CUX1: variants seen among roughly 807,000 people sequenced by gnomAD.
CUX1 encodes protein CASP.
A neutral mutation model predicts 158.8 loss-of-function variants in CUX1; 31 were observed. The ratio of observed to expected loss-of-function variants is 0.20; its 90% CI spans 0.15 to 0.26. The LOEUF (loss-of-function observed/expected upper bound fraction) is 0.26, where lower values mean the gene tolerates loss of function less well. CUX1 is among the 10% of genes least tolerant of loss of function. The pLI is 1.00. For missense variants in CUX1, 1,589 were observed against 2,014.6 expected, an observed-to-expected ratio of 0.79 and a Z score of 4.04; for synonymous variants, 879 against 862.1, an observed-to-expected ratio of 1.02 and a Z score of -0.34.
At chr7:101,826,323 C>T (rs1234796201) in intron 1 of CUX1, among the ~76,000 whole-genome samples, 3 of 151,938 alleles carry the variant, frequency 2.0e-5, no homozygotes, top group African/African-American at 4.8e-5. Context: ...CTCAGCCTCC[C>T]GGGTAGCTGG....
intron 2 of CUX1, among the ~76,000 whole-genome samples, chr7:101,920,529 A>G (rs984861722): frequency 2.6e-5 from 4 of 152,164 alleles, no homozygotes; most frequent in African/African-American, 9.7e-5. Context: ...CCAAAGTGCT[A>G]GGATTACAGG....
intron 3 of CUX1, among the ~76,000 whole-genome samples, chr7:102,049,525 T>A (rs1415960284): frequency 6.6e-6 from 1 of 152,072 alleles, no homozygotes; most frequent in Admixed American, 6.6e-5. Flanking sequence ...GAGATTACAC[T>A]GTCTTCCAGC....
intron 2 of CUX1, among the ~76,000 whole-genome samples, chr7:102,006,209 G>A (rs986592175): frequency 1.3e-5 from 2 of 152,010 alleles, no homozygotes; most frequent in South Asian, 2.1e-4. Context: ...CTCGGAAGTC[G>A]GTCTCTTTCA....
intron 3 of CUX1, among the ~76,000 whole-genome samples, chr7:102,034,110 G>A (rs1821127726): frequency 8.8e-6 from 1 of 113,956 alleles, no homozygotes; most frequent in African/African-American, 3.5e-5. Flanking sequence ...CATGCCACTG[G>A]ACTCCAGCCC....
At chr7:101,903,866 T>C (rs1802439216) in intron 1 of CUX1, among the ~76,000 whole-genome samples, 1 of 152,132 alleles carries the variant, frequency 6.6e-6, no homozygotes, top group Non-Finnish European at 1.5e-5. Context: ...GATGGAAATC[T>C]CTCAGTCCTG....
intron 8 of CUX1, among the ~76,000 whole-genome samples, chr7:102,134,415 C>G (rs1466177239): frequency 1.3e-5 from 2 of 152,184 alleles, no homozygotes; most frequent in African/African-American, 2.4e-5. Context: ...CATGATTAGA[C>G]TTCTGTCCAA....
chr7:102,008,711 C>CTAGG (rs16708), intron 2 of CUX1, among the ~76,000 whole-genome samples: 86,324 of 151,480 alleles, frequency 0.57, 25,202 homozygotes, highest in East Asian at 0.96. Context: ...CTGACCTTGA[C>CTAGG]TAGGACAGGA....
intron 3 of CUX1, among the ~76,000 whole-genome samples, chr7:102,049,579 T>C (rs1233579429): frequency 6.6e-6 from 1 of 152,004 alleles, no homozygotes; most frequent in Non-Finnish European, 1.5e-5. Flanking sequence ...GGCTCACACC[T>C]GTAATCCCAG....
At chr7:101,978,199 A>T (rs1294184622) in intron 2 of CUX1, among the ~76,000 whole-genome samples, 2 of 152,102 alleles carry the variant, frequency 1.3e-5, no homozygotes, top group Admixed American at 1.3e-4. Flanking sequence ...ATTAACCCAA[A>T]TATTCAACTG....
intron 3 of CUX1, among the ~76,000 whole-genome samples, chr7:102,050,684 T>TTTATTATTATTATTATTA (rs149429897): frequency 3.4e-5 from 5 of 147,536 alleles, no homozygotes; most frequent in African/African-American, 1.3e-4. Context: ...GTGAATTCTT[T>TTTATTATTATTATTATTA]TTATTATTAT....
chr7:101,857,766 A>AT (rs11405519), intron 1 of CUX1, among the ~76,000 whole-genome samples: 56,773 of 151,666 alleles, frequency 0.37, 11,559 homozygotes, highest in African/African-American at 0.53. Context: ...TTTGCAGGGA[A>AT]TTTTTTTCCC....
intron 3 of CUX1, among the ~76,000 whole-genome samples, chr7:102,033,314 A>T (rs990112266): frequency 6.6e-6 from 1 of 152,188 alleles, no homozygotes; most frequent in East Asian, 1.9e-4. Context: ...AAATAAATGT[A>T]CAACAGAATA....
chr7:101,986,658 G>A (rs747489812), intron 2 of CUX1, among the ~76,000 whole-genome samples: 15 of 152,168 alleles, frequency 9.9e-5, no homozygotes, highest in East Asian at 3.9e-4. Flanking sequence ...GCCCTCCCTC[G>A]GCTTGTCTTC....
chr7:102,119,044 C>T (rs1209348065), intron 8 of CUX1, among the ~76,000 whole-genome samples: 1 of 152,174 alleles, frequency 6.6e-6, no homozygotes, highest in Non-Finnish European at 1.5e-5. Flanking sequence ...GCCACTGCAC[C>T]CAGCATGCTA....
chr7:102,267,829 G>A (rs1790921270), intron 14 of CUX1, among the ~76,000 whole-genome samples: 1 of 152,106 alleles, frequency 6.6e-6, no homozygotes, highest in South Asian at 2.1e-4. Flanking sequence ...ACCATGCCCG[G>A]CTAAGTTTTG....
intron 1 of CUX1, among the ~76,000 whole-genome samples, chr7:101,878,464 T>C (rs1405751472): frequency 6.6e-6 from 1 of 152,036 alleles, no homozygotes; most frequent in African/African-American, 2.4e-5. Context: ...TGGGGCCAAG[T>C]TGGGGGAATG....
At chr7:102,236,766 G>A (rs1799609944) in intron 22 of CUX1, among the ~76,000 whole-genome samples, 1 of 152,180 alleles carries the variant, frequency 6.6e-6, no homozygotes, top group Middle Eastern at 3.2e-3. Flanking sequence ...ACTCCCTGCT[G>A]TGTTTCTCAC....
At chr7:102,266,023 G>C (rs1454776335) in intron 14 of CUX1, among the ~76,000 whole-genome samples, 2 of 152,014 alleles carry the variant, frequency 1.3e-5, no homozygotes, top group Non-Finnish European at 2.9e-5. Flanking sequence ...GACCAACATG[G>C]TGAAACCCTG....
chr7:101,983,284 TAGAAAA>T (rs1456345907), intron 2 of CUX1, among the ~76,000 whole-genome samples: 1 of 152,184 alleles, frequency 6.6e-6, no homozygotes. Flanking sequence ...GACAACCTCT[TAGAAAA>T]AGAAAGACAA....
Sources: gnomAD v4.1 joint callset for allele counts (sites outside exome capture counted in the v4.1 genomes callset) on GRCh38, gnomAD v4.1.1 for gene constraint, MANE v1.5 for transcripts, NCBI Gene and HGNC (gene_info 2026-07-23, HGNC 2026-07-21) for gene names.